The following ATP2A3 variants were observed in gnomAD, a reference collection of about 807,000 sequenced individuals.
ATP2A3 encodes the protein sarcoplasmic/endoplasmic reticulum calcium ATPase 3.
In ATP2A3, 61 loss-of-function variants were observed where a neutral mutation model predicts 106.8. The observed-to-expected ratio is 0.57, with a 90% CI of 0.46 to 0.71. The LOEUF is 0.71. Ranked by LOEUF, ATP2A3 falls within the 30% of genes least tolerant of loss-of-function variation. The pLI, the probability that ATP2A3 is intolerant of heterozygous loss-of-function variation, is 0.00. For synonymous variants in ATP2A3, 611 were observed against 609.3 expected (o/e 1.00, Z -0.04); for missense variants, 1,201 against 1,423.5 (o/e 0.84, Z 2.52).
At chr17:3,927,298 C>A in intron 20 of ATP2A3, 1 of 985,490 alleles carries the variant, frequency 1.0e-6, no homozygotes, top group Non-Finnish European at 1.2e-6. Flanking sequence ...GACATTTTAG[C>A]CATGGGCATA....
Position 3,928,328 on chromosome 17 carries a change from C to T in ATP2A3, c.2980+335G>A. 1.2e-6 allele frequency: 2 copies of T among 1,612,784 alleles called. No homozygotes were observed. Among genetic ancestry groups the T allele is most frequent in the East Asian group, 4.5e-5 (2 of 44,862 alleles). ...CTGAGAAGGCCTGGATAAAGACAGG[C>T]TGGGTGCAGAGGGGTCAGAGGCTGA... is the stretch of plus-strand genomic sequence containing the variant. On this transcript the variant is annotated intron_variant, in intron 20 of 20. Transcript: ENST00000397041. The surrounding 1 kb of genome is among the most constrained non-coding windows in gnomAD (Gnocchi z 6.1).
chr17:3,944,480 C>T (rs1004326347), intron 10 of ATP2A3, among the ~76,000 whole-genome samples: 1 of 152,194 alleles, frequency 6.6e-6, no homozygotes, highest in Non-Finnish European at 1.5e-5. Flanking sequence ...TCAGCCCCTT[C>T]CATGGCAGTC....
chr17:3,950,523 GTTC>G lies in ATP2A3; in HGVS notation c.615_617del (p.Lys205del). ...ACATTTGACTTACAGAAAACAGCAT[GTTC>G]TTCTTGTCCTGGTTCACAGCTCTGG... is the stretch of plus-strand genomic sequence containing the variant. On this transcript the variant is annotated inframe_deletion, in exon 7 of 21. Transcript: ENST00000397041. 2 of 1,614,090 alleles carry G rather than the reference GTTC, an allele frequency of 1.2e-6. No individual in the cohort carries two copies. The highest frequency in any genetic ancestry group is 1.7e-6 in the Non-Finnish European group (2 of 1,179,976).
rs2054553146 is a variant in ATP2A3, at chr17:3,953,174, G to A, written c.219+173C>T. 3 of 729,950 alleles carry A rather than the reference G, an allele frequency of 4.1e-6. No homozygotes were observed. The highest frequency in any genetic ancestry group is 2.1e-5 in the Admixed American group (1 of 47,402). 45.2% of individuals were successfully genotyped at this position (729,950 alleles called of 1,614,324 possible). Reference sequence around the variant, plus strand: ...CGGGGACCCAATGTAGGGGCCATGAGGGTTCAGGCAAGGGAAGCTGAAGTC... The same window carrying A: ...CGGGGACCCAATGTAGGGGCCATGAAGGTTCAGGCAAGGGAAGCTGAAGTC... On this transcript the variant is annotated intron_variant, in intron 3 of 20. Coordinates refer to ENST00000397041, the MANE Select transcript of ATP2A3 (RefSeq NM_005173.4). The surrounding 1 kb of genome is among the most constrained non-coding windows in gnomAD (Gnocchi z 5.1).
chr17:3,945,018 C>T, intron 9 of ATP2A3, 42 bp downstream of exon 9: 1 of 1,466,542 alleles, frequency 6.8e-7, no homozygotes, highest in Non-Finnish European at 9.1e-7. Context: ...GTGGCCCCGC[C>T]CCCAGGCCGC....
intron 1 of ATP2A3, among the ~76,000 whole-genome samples, chr17:3,963,753 C>A (rs2055272938): frequency 6.6e-6 from 1 of 152,202 alleles, no homozygotes; most frequent in Non-Finnish European, 1.5e-5. Context: ...GACCCTGGGG[C>A]CAGCTGGGAG....
intron 7 of ATP2A3, among the ~76,000 whole-genome samples, chr17:3,950,195 C>A (rs2054335460): frequency 6.7e-6 from 1 of 148,320 alleles, no homozygotes; most frequent in Non-Finnish European, 1.5e-5. Context: ...GAGTTTTGCT[C>A]TCGTCACCCA....
chr17:3,940,845 T>C, intron 14 of ATP2A3, 126 bp downstream of exon 14: 1 of 1,229,168 alleles, frequency 8.1e-7, no homozygotes, highest in Admixed American at 1.9e-5. Flanking sequence ...TGTATTTGAA[T>C]TTTTTGGTAA....
chr17:3,940,043 GTTTTTTGTTT>G (rs1414821114), intron 14 of ATP2A3, among the ~76,000 whole-genome samples: 1 of 87,618 alleles, frequency 1.1e-5, no homozygotes, highest in Non-Finnish European at 2.1e-5. Context: ...TTTTTTTTTT[GTTTTTTGTTT>G]TTTTTTTTTT....
intron 10 of ATP2A3, 96 bp from the exon 11 acceptor site, chr17:3,943,618 T>A: frequency 6.3e-7 from 1 of 1,577,686 alleles, no homozygotes; most frequent in South Asian, 1.1e-5. Flanking sequence ...CTGCCTTTGC[T>A]GGAGTTCCGT....
Position 3,929,481 on chromosome 17 carries a change from T to A in ATP2A3, c.2745-36A>T. 6.5e-7 allele frequency: 1 copy of A among 1,548,852 alleles called. No individual in the cohort carries two copies. Among genetic ancestry groups the A allele is most frequent in the Non-Finnish European group, 8.8e-7 (1 of 1,139,792 alleles). On this transcript the variant is annotated intron_variant, in intron 18 of 20. Transcript: ENST00000397041. This position sits in a 1 kb window ranked among gnomAD's most constrained non-coding sequence, Gnocchi z 4.3. ...ACAGGGTGCTCCCCTTAGGCCGGGGTGCAGGGAGGCCCTGCCAGGCACCCA... is the reference window on the plus strand; with the variant it reads ...ACAGGGTGCTCCCCTTAGGCCGGGGAGCAGGGAGGCCCTGCCAGGCACCCA...
At chr17:3,962,840 A>G (rs1313861281) in intron 1 of ATP2A3, among the ~76,000 whole-genome samples, 1 of 152,182 alleles carries the variant, frequency 6.6e-6, no homozygotes, top group Admixed American at 6.5e-5. Context: ...TAGCAGCACA[A>G]AAGAGGCAGT....
Position 3,930,476 on chromosome 17 carries a change from C to G in ATP2A3, c.2611-42G>C. On this transcript the variant is annotated intron_variant, in intron 17 of 20. Transcript: ENST00000397041. The surrounding 1 kb of genome is among the most constrained non-coding windows in gnomAD (Gnocchi z 5.4). ...AGGTCAGAGAGAGCGGCAGGTCAGG[C>G]GAGGGGCTGGTGGGTGGGAGGAGGG... is the stretch of plus-strand genomic sequence containing the variant. 6.2e-7 allele frequency: 1 copy of G among 1,607,508 alleles called. No individual in the cohort carries two copies. The highest frequency in any genetic ancestry group is 1.1e-5 in the South Asian group (1 of 90,868).
chr17:3,935,046 G>A (rs765958690), intron 17 of ATP2A3, 146 bp downstream of exon 17: 21 of 876,072 alleles, frequency 2.4e-5, no homozygotes, highest in Non-Finnish European at 2.6e-5. Context: ...CTCTGAGCTC[G>A]GCTCCCCAGG....
rs532098705 is a variant in ATP2A3, at chr17:3,944,347, G to GAACGGCAGTC, written c.1287+356_1287+357insGACTGCCGTT. Among the ~76,000 whole-genome samples the GAACGGCAGTC allele has an allele frequency of 1.3e-3, 204 of 152,320 alleles. 4 individuals are homozygous for GAACGGCAGTC. In the East Asian group the frequency reaches 0.031, roughly 23 times the overall value. On this transcript the variant is annotated intron_variant, in intron 10 of 20. Transcript: ENST00000397041. ...CCCCATTCCACTGCCCCGGCCACGT[G>GAACGGCAGTC]AATGCCTAAGTCGCAGGAGGCTTTA...
chr17:3,953,328 C>T lies in ATP2A3; in HGVS notation c.219+19G>A, dbSNP rs776507945. The T allele has an allele frequency of 6.2e-7, 1 of 1,613,032 alleles. No homozygotes were observed. The highest frequency in any genetic ancestry group is 8.5e-7 in the Non-Finnish European group (1 of 1,179,278). On this transcript the variant is annotated intron_variant, in intron 3 of 20. Transcript: ENST00000397041. The surrounding 1 kb of genome is among the most constrained non-coding windows in gnomAD (Gnocchi z 5.1). ...AGGGCTACCGACTACCACAGGATGG[C>T]TGGCAGGGCCCTACTTACAAAGGAG...
At position 3,930,062 on chromosome 17, in the gene ATP2A3, A is replaced by T. The variant is rs1333190307; in HGVS notation, c.2744+239T>A. Among the ~76,000 whole-genome samples, 1 of 143,220 alleles carries T rather than the reference A, an allele frequency of 7.0e-6. No individual in the cohort carries two copies. The highest frequency in any genetic ancestry group is 1.5e-5 in the Non-Finnish European group (1 of 65,572). The allele number at this position is 143,220 out of a possible 152,430, so 94.0% of individuals were successfully genotyped here. On this transcript the variant is annotated intron_variant, in intron 18 of 20. Transcript: ENST00000397041. The surrounding 1 kb of genome is among the most constrained non-coding windows in gnomAD (Gnocchi z 5.4). Reference sequence around the variant, plus strand: ...CTTGAACCTCTGATCCCAATCCTGAACCCCCCAAACATCAGACCCCAATCT... The same window carrying T: ...CTTGAACCTCTGATCCCAATCCTGATCCCCCCAAACATCAGACCCCAATCT...
intron 4 of ATP2A3, 25 bp downstream of exon 4, chr17:3,951,556 C>CCCCCCCCCA: frequency 7.4e-7 from 1 of 1,345,700 alleles, no homozygotes; most frequent in Non-Finnish European, 1.0e-6. Flanking sequence ...GCCCCCCGCC[C>CCCCCCCCCA]GGTCCCACCC....
chr17:3,954,497 ATTTTTTT>A (rs3048772), intron 1 of ATP2A3, among the ~76,000 whole-genome samples: 8 of 129,776 alleles, frequency 6.2e-5, no homozygotes. Context: ...TGAGGTGCTG[ATTTTTTT>A]TTTTTTTTTT....
Sources: allele counts gnomAD v4.1 joint callset (sites outside exome capture counted in the v4.1 genomes callset), GRCh38; gene constraint gnomAD v4.1.1; non-coding constraint Gnocchi (gnomAD v3.1); transcripts MANE v1.5; gene names NCBI Gene and HGNC (gene_info 2026-07-23, HGNC 2026-07-21).